Variants in CAST observed in about 807,000 individuals in gnomAD.
The protein encoded by CAST is calpastatin.
In CAST, 76 loss-of-function variants were observed where a neutral mutation model predicts 119.6. The ratio of observed to expected loss-of-function variants is 0.64; its 90% CI spans 0.53 to 0.77. CAST has a LOEUF of 0.77. Among genes scored for constraint, CAST ranks in the 30% least tolerant of loss-of-function variants. The pLI is 0.00. For synonymous variants in CAST, 319 were observed against 331.6 expected, an observed-to-expected ratio of 0.96 and a Z score of 0.41; for missense variants, 953 against 946.5, an observed-to-expected ratio of 1.01 and a Z score of -0.09.
At chr5:96,569,646 T>C (rs1434226696) in intron 1 of CAST, among the ~76,000 whole-genome samples, 3 of 152,216 alleles carry the variant, frequency 2.0e-5, no homozygotes, top group African/African-American at 7.2e-5. Context: ...GTCTTACTGC[T>C]AACCTAGAAA....
chr5:96,673,948 C>A (rs1185072449), intron 1 of CAST, among the ~76,000 whole-genome samples: 1 of 152,192 alleles, frequency 6.6e-6, no homozygotes, highest in Non-Finnish European at 1.5e-5. Context: ...AATCACTAAT[C>A]CATGAGAGTG....
chr5:96,013,679 A>G, the CAST span, among the ~76,000 whole-genome samples: 1 of 152,178 alleles, frequency 6.6e-6, no homozygotes, highest in Admixed American at 6.5e-5. Context: ...GCTATATGGT[A>G]TATATAACAA....
chr5:96,010,788 T>A, the CAST span, among the ~76,000 whole-genome samples: 1 of 152,248 alleles, frequency 6.6e-6, no homozygotes, highest in Non-Finnish European at 1.5e-5. Context: ...CATCAGTGTC[T>A]TGTAATTTTC....
At chr5:96,592,118 C>T (rs747909973) in intron 1 of CAST, among the ~76,000 whole-genome samples, 8 of 152,102 alleles carry the variant, frequency 5.3e-5, no homozygotes, top group East Asian at 1.9e-4. Flanking sequence ...CAGCTATGGC[C>T]GGGTGCGGTG....
chr5:96,525,653 A>G (rs753098330), upstream of CAST, among the ~76,000 whole-genome samples: 16 of 152,306 alleles, frequency 1.1e-4, no homozygotes, highest in Middle Eastern at 3.4e-3. Flanking sequence ...AACGAATTGT[A>G]ATCCGGTGTT....
In CAST at chr5:96,757,703, T is replaced by TTC. The variant is rs1561594613; in HGVS notation, c.1833+49_1833+50insTC. 1.3e-5 allele frequency: 16 copies of TTC among 1,261,654 alleles called. No homozygotes were observed. In the Admixed American group the frequency reaches 1.4e-4, roughly 11 times the overall value. The allele number at this position is 1,261,654 out of a possible 1,614,324, so 78.2% of individuals were successfully genotyped here. On this transcript the variant is annotated intron_variant, in intron 24 of 31. Coordinates refer to ENST00000675179, the MANE Select transcript of CAST (RefSeq NM_001750.7). ...ATTTCTTTAGTTTTTTTTTTTTTTTTCCTTTGAGATGGAGTCTTGCTCTGT... is the reference window on the plus strand; with the variant it reads ...ATTTCTTTAGTTTTTTTTTTTTTTTTTCCCTTTGAGATGGAGTCTTGCTCTGT...
chr5:96,749,280 A>G (rs894479526), intron 19 of CAST, among the ~76,000 whole-genome samples: 1 of 152,208 alleles, frequency 6.6e-6, no homozygotes, highest in Non-Finnish European at 1.5e-5. Context: ...TATTAAGCAG[A>G]ACACAACATG....
At chr5:96,057,910 C>G in the CAST span, among the ~76,000 whole-genome samples, 1 of 152,086 alleles carries the variant, frequency 6.6e-6, no homozygotes, top group Non-Finnish European at 1.5e-5. Flanking sequence ...TGACTCTGCC[C>G]TTGATTGAAA....
the CAST span, among the ~76,000 whole-genome samples, chr5:96,174,123 A>T: frequency 6.6e-6 from 1 of 152,126 alleles, no homozygotes; most frequent in African/African-American, 2.4e-5. Flanking sequence ...TTTCATGAAG[A>T]TAAAGAATCT....
chr5:96,534,755 AAGAAAG>A (rs1745762007), intron 1 of CAST, among the ~76,000 whole-genome samples: 2 of 39,208 alleles, frequency 5.1e-5, no homozygotes, highest in African/African-American at 1.9e-4. Context: ...GAAAGAAAGA[AAGAAAG>A]AAAGAAAGAA....
At chr5:95,995,402 A>G in the CAST span, among the ~76,000 whole-genome samples, 1 of 152,162 alleles carries the variant, frequency 6.6e-6, no homozygotes, top group African/African-American at 2.4e-5. Context: ...TGATTCATGT[A>G]TAATGTTTTG....
the CAST span, among the ~76,000 whole-genome samples, chr5:96,165,962 CA>C: frequency 1.4e-5 from 1 of 71,950 alleles, no homozygotes. Context: ...TTTTCATTTT[CA>C]TTATCCATTT....
intron 1 of CAST, among the ~76,000 whole-genome samples, chr5:96,625,372 C>A (rs1747702858): frequency 6.6e-6 from 1 of 152,114 alleles, no homozygotes; most frequent in African/African-American, 2.4e-5. Flanking sequence ...CTGGAATAGA[C>A]CAAAATTGTG....
At chr5:96,644,594 C>G (rs904860405) in intron 1 of CAST, among the ~76,000 whole-genome samples, 19 of 152,320 alleles carry the variant, frequency 1.2e-4, no homozygotes, top group African/African-American at 3.8e-4. Flanking sequence ...AATCCTCACT[C>G]AGTTTCAATT....
At chr5:96,192,979 T>C in the CAST span, among the ~76,000 whole-genome samples, 3,157 of 152,282 alleles carry the variant, frequency 0.021, 123 homozygotes, top group African/African-American at 0.073. Context: ...TTGTAGCCTA[T>C]TGTAACTCTT....
At chr5:96,474,628 G>A in the CAST span, among the ~76,000 whole-genome samples, 4 of 152,246 alleles carry the variant, frequency 2.6e-5, no homozygotes, top group East Asian at 7.7e-4. Context: ...TGAGTGCAGT[G>A]GGGTGTCCAG....
intron 1 of CAST, among the ~76,000 whole-genome samples, chr5:96,614,089 A>G (rs917599839): frequency 2.6e-5 from 4 of 152,214 alleles, no homozygotes; most frequent in African/African-American, 7.2e-5. Context: ...ACCAGGTAAT[A>G]CAAATGCTGC....
chr5:96,076,847 TATC>T, the CAST span, among the ~76,000 whole-genome samples: 1 of 152,076 alleles, frequency 6.6e-6, no homozygotes, highest in African/African-American at 2.4e-5. Flanking sequence ...TTTTAATAAA[TATC>T]AATAATAATG....
At chr5:96,705,515 C>T (rs910916633) in intron 3 of CAST, among the ~76,000 whole-genome samples, 1 of 151,918 alleles carries the variant, frequency 6.6e-6, no homozygotes, top group Non-Finnish European at 1.5e-5. Flanking sequence ...TCAATCATAC[C>T]GTTAGCAAGG....
Sources: gnomAD v4.1 joint callset for allele counts (sites outside exome capture counted in the v4.1 genomes callset) on GRCh38, gnomAD v4.1.1 for gene constraint, MANE v1.5 for transcripts, NCBI Gene and HGNC (gene_info 2026-07-23, HGNC 2026-07-21) for gene names.